RIMS4: variants seen among roughly 807,000 people sequenced by gnomAD.
The protein encoded by RIMS4 is regulating synaptic membrane exocytosis 4, also known as regulating synaptic membrane exocytosis protein 4.
RIMS4 carries 9 observed loss-of-function variants against 29.0 expected under a neutral mutation model. That is an observed-to-expected ratio of 0.31 (90% CI 0.19 to 0.54). The LOEUF (loss-of-function observed/expected upper bound fraction) is 0.54. Ranked by LOEUF, RIMS4 falls within the 20% of genes least tolerant of loss-of-function variation. The pLI, the probability that RIMS4 is intolerant of heterozygous loss-of-function variation, is 0.94. For missense variants in RIMS4, 193 were observed against 365.7 expected (o/e 0.53, Z 3.85); for synonymous variants, 130 against 152.9 (o/e 0.85, Z 1.10).
chr20:44,779,836 C>A lies in RIMS4; in HGVS notation c.98-8423G>T, dbSNP rs570516517. ...TTAGGTGGATTAACCACGGTGTGAA[C>A]TGGAAAGGTTAACACGTTAGACTAT... On this transcript the variant is annotated intron_variant, in intron 1 of 5. Coordinates refer to ENST00000372851, the MANE Select transcript of RIMS4 (RefSeq NM_182970.4). Among the ~76,000 whole-genome samples, 30 of 152,192 alleles carry A rather than the reference C, an allele frequency of 2.0e-4. 1 individual carries two copies. The highest frequency in any genetic ancestry group is 6.8e-3 in the Middle Eastern group (2 of 294).
At chr20:44,789,296 TTTA>T (rs1463703249) in intron 1 of RIMS4, among the ~76,000 whole-genome samples, 1 of 152,184 alleles carries the variant, frequency 6.6e-6, no homozygotes, top group Non-Finnish European at 1.5e-5. Flanking sequence ...AGAATTTCTT[TTTA>T]TTATTATAAT....
chr20:44,774,998 G>A (rs533833256), intron 1 of RIMS4, among the ~76,000 whole-genome samples: 9 of 152,182 alleles, frequency 5.9e-5, no homozygotes, highest in East Asian at 1.9e-4. Flanking sequence ...CCATCAGGGC[G>A]GCTTACTAAA....
At chr20:44,760,740 C>T (rs2066081009) in intron 2 of RIMS4, among the ~76,000 whole-genome samples, 1 of 152,184 alleles carries the variant, frequency 6.6e-6, no homozygotes, top group Admixed American at 6.5e-5. Flanking sequence ...ACTATGCACT[C>T]TATTGTGTCC....
intron 1 of RIMS4, among the ~76,000 whole-genome samples, chr20:44,778,258 G>A (rs185775744): frequency 3.2e-4 from 48 of 152,312 alleles, no homozygotes; most frequent in African/African-American, 1.1e-3. Context: ...ATAGGAATCT[G>A]CCCTACCTTA....
rs140649631 is a variant in RIMS4 at position 44,792,116 on chromosome 20, G to A, written c.97+18059C>T. ...CTCTGCTTGTCTTTCCTCCTGGGCT[G>A]AGAAAGTCCTGGTCCTATTTAGCAC... On this transcript the variant is annotated intron_variant, in intron 1 of 5. Coordinates refer to ENST00000372851, the MANE Select transcript of RIMS4 (RefSeq NM_182970.4). Among the ~76,000 whole-genome samples, 769 of 152,104 alleles carry A rather than the reference G, an allele frequency of 5.1e-3. 4 individuals carry two copies. Among genetic ancestry groups the A allele is most frequent in the African/African-American group, 0.018 (729 of 41,486 alleles).
intron 2 of RIMS4, among the ~76,000 whole-genome samples, chr20:44,764,881 C>A (rs1490010821): frequency 1.3e-5 from 2 of 152,174 alleles, no homozygotes; most frequent in African/African-American, 4.8e-5. Context: ...ACAATCCTGA[C>A]CCCGACTTCT....
At chr20:44,799,513 G>T (rs1327212183) in intron 1 of RIMS4, among the ~76,000 whole-genome samples, 1 of 152,150 alleles carries the variant, frequency 6.6e-6, no homozygotes, top group Non-Finnish European at 1.5e-5. Flanking sequence ...TTGGTGTTGG[G>T]CCCAGGCTGA....
chr20:44,798,574 C>G (rs1172232624), intron 1 of RIMS4, among the ~76,000 whole-genome samples: 1 of 152,314 alleles, frequency 6.6e-6, no homozygotes, highest in South Asian at 2.1e-4. Flanking sequence ...CTAAGCAGGT[C>G]CCCCATCACT....
intron 1 of RIMS4, among the ~76,000 whole-genome samples, chr20:44,787,620 T>C (rs1205982344): frequency 1.3e-5 from 2 of 151,744 alleles, no homozygotes; most frequent in Non-Finnish European, 2.9e-5. Flanking sequence ...CCTCCCAGAG[T>C]TCCTAAATCT....
intron 2 of RIMS4, among the ~76,000 whole-genome samples, chr20:44,770,337 T>A (rs567611010): frequency 9.2e-5 from 14 of 152,228 alleles, no homozygotes; most frequent in African/African-American, 3.4e-4. Flanking sequence ...TTGCTTTGGA[T>A]CAAAGTTTCT....
At chr20:44,790,307 C>CAT (rs1167105868) in intron 1 of RIMS4, among the ~76,000 whole-genome samples, 2 of 152,354 alleles carry the variant, frequency 1.3e-5, no homozygotes, top group African/African-American at 4.8e-5. Flanking sequence ...TGTTAAAAAA[C>CAT]ATATGATTTG....
chr20:44,794,003 C>T (rs2066244314), intron 1 of RIMS4, among the ~76,000 whole-genome samples: 1 of 152,130 alleles, frequency 6.6e-6, no homozygotes, highest in Admixed American at 6.5e-5. Flanking sequence ...CAAGAGTTTG[C>T]GGCTTCAGTG....
intron 1 of RIMS4, among the ~76,000 whole-genome samples, chr20:44,780,744 TG>T (rs1257330920): frequency 6.6e-6 from 1 of 151,836 alleles, no homozygotes; most frequent in Admixed American, 6.6e-5. Flanking sequence ...GTGCAATTTT[TG>T]CCCTTTACGC....
chr20:44,791,139 T>C (rs1235798013), intron 1 of RIMS4, among the ~76,000 whole-genome samples: 5 of 152,242 alleles, frequency 3.3e-5, no homozygotes, highest in South Asian at 2.1e-4. Flanking sequence ...TATTACAGCA[T>C]GACCCTGCTT....
intron 1 of RIMS4, among the ~76,000 whole-genome samples, chr20:44,785,040 T>C (rs2066201803): frequency 1.3e-5 from 2 of 152,218 alleles, no homozygotes; most frequent in African/African-American, 2.4e-5. Context: ...GGCCCACACA[T>C]TGAGTAGCAA....
chr20:44,793,625 A>C (rs2066242279), intron 1 of RIMS4, among the ~76,000 whole-genome samples: 1 of 152,148 alleles, frequency 6.6e-6, no homozygotes, highest in South Asian at 2.1e-4. Flanking sequence ...TGGGCAGGGA[A>C]TTTCAGGGTC....
At chr20:44,791,054 G>C (rs1399967913) in intron 1 of RIMS4, among the ~76,000 whole-genome samples, 1 of 152,214 alleles carries the variant, frequency 6.6e-6, no homozygotes, top group African/African-American at 2.4e-5. Flanking sequence ...AGAAATCAGA[G>C]TATCCCTGTG....
At position 44,758,192 on chromosome 20, in the gene RIMS4, A is replaced by G. The variant is rs1428905468; in HGVS notation, c.237-8T>C. 6.3e-7 allele frequency: 1 copy of G among 1,598,920 alleles called. No individual in the cohort carries two copies. The highest frequency in any genetic ancestry group is 8.6e-7 in the Non-Finnish European group (1 of 1,169,344). On this transcript the variant is annotated splice_polypyrimidine_tract_variant and splice_region_variant and intron_variant, in intron 2 of 5. Coordinates refer to ENST00000372851, the MANE Select transcript of RIMS4 (RefSeq NM_182970.4). ...ACTCCTCCATAGTTAAGGCTGCAAG[A>G]GGAAAAGGTGAGACAAAGCACACAT...
intron 2 of RIMS4, among the ~76,000 whole-genome samples, chr20:44,764,260 A>ATCCATTTATCCATCCGTC (rs1555859479): frequency 6.6e-6 from 1 of 151,784 alleles, no homozygotes. Flanking sequence ...CCATCCTCCC[A>ATCCATTTATCCATCCGTC]CAAACTCACC....
Sources: allele counts gnomAD v4.1 joint callset (sites outside exome capture counted in the v4.1 genomes callset), GRCh38; gene constraint gnomAD v4.1.1; transcripts MANE v1.5; gene names NCBI Gene and HGNC (gene_info 2026-07-23, HGNC 2026-07-21).